LRP1B: variants seen among roughly 807,000 people sequenced by gnomAD.
The protein encoded by LRP1B is LDL receptor related protein 1B, also known as low-density lipoprotein receptor-related protein 1B.
Under a neutral mutation model 556.6 loss-of-function variants are expected in LRP1B, and 217 were observed. That is an observed-to-expected ratio of 0.39 (90% CI 0.35 to 0.44). The LOEUF (loss-of-function observed/expected upper bound fraction) is 0.44. Among genes scored for constraint, LRP1B ranks in the 20% least tolerant of loss-of-function variants. The pLI, the probability that LRP1B is intolerant of heterozygous loss-of-function variation, is 1.00. For missense variants in LRP1B, 5,053 were observed against 5,620.8 expected, an observed-to-expected ratio of 0.90 and a Z score of 3.23; for synonymous variants, 2,047 against 1,865.8, an observed-to-expected ratio of 1.10 and a Z score of -2.50.
chr2:141,619,492 G>A (rs950245446), intron 2 of LRP1B, among the ~76,000 whole-genome samples: 2 of 152,200 alleles, frequency 1.3e-5, no homozygotes, highest in Non-Finnish European at 2.9e-5. Flanking sequence ...GAGAAGAAAA[G>A]CTAAAGGTGA....
intron 2 of LRP1B, among the ~76,000 whole-genome samples, chr2:141,675,679 G>GTATA (rs1432638705): frequency 0.012 from 151 of 12,528 alleles, no homozygotes; most frequent in African/African-American, 0.024. Flanking sequence ...AATTTATTTG[G>GTATA]TATATATATA....
intron 17 of LRP1B, among the ~76,000 whole-genome samples, chr2:140,988,166 C>G (rs1164402803): frequency 6.6e-6 from 1 of 152,026 alleles, no homozygotes; most frequent in Non-Finnish European, 1.5e-5. Flanking sequence ...CAAGTTTCCC[C>G]TGATCTTTTA....
intron 2 of LRP1B, among the ~76,000 whole-genome samples, chr2:141,734,224 C>T (rs1693383996): frequency 6.6e-6 from 1 of 151,940 alleles, no homozygotes; most frequent in South Asian, 2.1e-4. Flanking sequence ...AAAATAAGTG[C>T]AGTGAATAAA....
chr2:141,772,895 C>T (rs1169032927), intron 2 of LRP1B, among the ~76,000 whole-genome samples: 1 of 152,186 alleles, frequency 6.6e-6, no homozygotes, highest in African/African-American at 2.4e-5. Context: ...GCTGGCCTTA[C>T]TAGCTTGACT....
chr2:140,716,302 T>C (rs1687206959), intron 36 of LRP1B, among the ~76,000 whole-genome samples, 200 bp from the exon 37 acceptor site: 1 of 152,076 alleles, frequency 6.6e-6, no homozygotes, highest in African/African-American at 2.4e-5. Flanking sequence ...CTCACACACC[T>C]CTGGTTTAAA....
At chr2:141,764,182 T>C (rs1053193362) in intron 2 of LRP1B, among the ~76,000 whole-genome samples, 1 of 151,886 alleles carries the variant, frequency 6.6e-6, no homozygotes, top group African/African-American at 2.4e-5. Context: ...TCTGACAAGA[T>C]GGTGTCTTTT....
At chr2:141,120,665 T>C (rs1357108016) in intron 7 of LRP1B, among the ~76,000 whole-genome samples, 1 of 152,058 alleles carries the variant, frequency 6.6e-6, no homozygotes, top group Non-Finnish European at 1.5e-5. Context: ...TACTTTTAAC[T>C]TTAAAGTTTT....
intron 84 of LRP1B, among the ~76,000 whole-genome samples, chr2:140,286,783 C>A (rs940656844): frequency 1.3e-5 from 2 of 151,360 alleles, no homozygotes; most frequent in African/African-American, 4.8e-5. Context: ...ATATATATAA[C>A]CTTATGTATA....
chr2:140,653,268 G>A (rs1439636238), intron 41 of LRP1B, among the ~76,000 whole-genome samples: 1 of 152,010 alleles, frequency 6.6e-6, no homozygotes, highest in Non-Finnish European at 1.5e-5. Context: ...ATAGGAAATA[G>A]ATACTTTTCA....
intron 10 of LRP1B, among the ~76,000 whole-genome samples, chr2:141,051,525 A>G (rs1285485240): frequency 6.6e-6 from 1 of 152,030 alleles, no homozygotes; most frequent in Non-Finnish European, 1.5e-5. Context: ...TTAGCACACA[A>G]ACTGATAACA....
intron 3 of LRP1B, among the ~76,000 whole-genome samples, chr2:141,323,921 C>CCACACA (rs57844457): frequency 0.093 from 12,107 of 129,780 alleles, 758 homozygotes; most frequent in Admixed American, 0.16. Context: ...AACGAGGAAA[C>CCACACA]CACACACACA....
At chr2:141,044,348 A>G (rs1383891054) in intron 11 of LRP1B, among the ~76,000 whole-genome samples, 3 of 151,848 alleles carry the variant, frequency 2.0e-5, no homozygotes, top group Non-Finnish European at 4.4e-5. Flanking sequence ...ACCATTCAGG[A>G]CATAGGCATG....
intron 32 of LRP1B, among the ~76,000 whole-genome samples, chr2:140,794,160 C>T (rs976393125): frequency 8.6e-5 from 13 of 151,742 alleles, no homozygotes; most frequent in Non-Finnish European, 7.4e-5. Context: ...GTCATCTTAA[C>T]GATTTAAAAA....
intron 43 of LRP1B, among the ~76,000 whole-genome samples, chr2:140,580,056 A>C (rs1323731536): frequency 1.3e-5 from 2 of 152,080 alleles, no homozygotes; most frequent in Non-Finnish European, 2.9e-5. Context: ...ATCAGCTCTC[A>C]TGGCATTGCT....
chr2:142,064,795 G>T (rs1048853289), intron 1 of LRP1B, among the ~76,000 whole-genome samples: 2 of 151,412 alleles, frequency 1.3e-5, no homozygotes, highest in African/African-American at 2.4e-5. Context: ...GACTTCAGAT[G>T]ATAAAATAAA....
At chr2:141,041,020 T>A (rs1330215481) in intron 11 of LRP1B, among the ~76,000 whole-genome samples, 2 of 152,016 alleles carry the variant, frequency 1.3e-5, no homozygotes, top group African/African-American at 2.4e-5. Flanking sequence ...ACTTTATAGC[T>A]CCTAAAAAGT....
chr2:140,538,231 C>T (rs1905922), intron 45 of LRP1B, among the ~76,000 whole-genome samples: 150,505 of 152,222 alleles, frequency 0.99, 74,426 homozygotes, highest in Middle Eastern at 1. Flanking sequence ...TTATGTCAAC[C>T]TTTATTTTAG....
chr2:140,254,528 T>G (rs1681591748), intron 86 of LRP1B, among the ~76,000 whole-genome samples: 1 of 152,000 alleles, frequency 6.6e-6, no homozygotes. Context: ...TTTTTTTGTT[T>G]TTTGTTTGTT....
chr2:141,922,809 A>T (rs927746848), intron 1 of LRP1B, among the ~76,000 whole-genome samples: 5 of 152,140 alleles, frequency 3.3e-5, no homozygotes, highest in Non-Finnish European at 7.4e-5. Context: ...AATGGGAATG[A>T]TAAAAAGTAG....
Sources: gnomAD v4.1 joint callset for allele counts (sites outside exome capture counted in the v4.1 genomes callset) on GRCh38, gnomAD v4.1.1 for gene constraint, MANE v1.5 for transcripts, NCBI Gene and HGNC (gene_info 2026-07-23, HGNC 2026-07-21) for gene names.